The following DNAAF9 variants were observed in gnomAD, a reference collection of about 807,000 sequenced individuals.
DNAAF9 encodes shulin.
In DNAAF9, 90 loss-of-function variants were observed where a neutral mutation model predicts 167.0. The ratio of observed to expected loss-of-function variants is 0.54; its 90% CI spans 0.45 to 0.64. The LOEUF is 0.64. DNAAF9 is among the 30% of genes least tolerant of loss of function. The pLI is 0.00. For missense variants in DNAAF9, 1,315 were observed against 1,442.2 expected (o/e 0.91, Z 1.43); for synonymous variants, 491 against 508.8 (o/e 0.96, Z 0.47).
At chr20:3,326,837 C>T (rs1320023738) in intron 12 of DNAAF9, among the ~76,000 whole-genome samples, 1 of 151,792 alleles carries the variant, frequency 6.6e-6, no homozygotes, top group Non-Finnish European at 1.5e-5. Context: ...CCTCTGAATT[C>T]TGCTCAAGAG....
At chr20:3,260,566 C>T (rs954187522) in intron 31 of DNAAF9, among the ~76,000 whole-genome samples, 2 of 151,552 alleles carry the variant, frequency 1.3e-5, no homozygotes, top group African/African-American at 4.9e-5. Flanking sequence ...CCTCCCAGTC[C>T]CCATCTGAGT....
chr20:3,258,844 C>T (rs139114791), intron 33 of DNAAF9, among the ~76,000 whole-genome samples: 136 of 152,326 alleles, frequency 8.9e-4, no homozygotes, highest in Non-Finnish European at 1.5e-3. Flanking sequence ...TCCCTACTCC[C>T]AGGCTCCAGT....
At chr20:3,376,911 A>G (rs1568637452) in intron 3 of DNAAF9, among the ~76,000 whole-genome samples, 1 of 152,064 alleles carries the variant, frequency 6.6e-6, no homozygotes, top group Admixed American at 6.6e-5. Flanking sequence ...AAAAACAAAA[A>G]CACAAAAATT....
At chr20:3,299,810 ATG>A (rs1263261213) in intron 21 of DNAAF9, among the ~76,000 whole-genome samples, 11 of 152,234 alleles carry the variant, frequency 7.2e-5, no homozygotes, top group Non-Finnish European at 1.6e-4. Context: ...AAGAAAATGC[ATG>A]TGTTACAACT....
intron 1 of DNAAF9, among the ~76,000 whole-genome samples, chr20:3,391,744 C>T (rs1485142607): frequency 6.6e-6 from 1 of 152,064 alleles, no homozygotes; most frequent in Admixed American, 6.6e-5. Flanking sequence ...CCACGCCTGG[C>T]TAATTTTGTA....
chr20:3,285,985 A>G (rs978907383), intron 27 of DNAAF9, among the ~76,000 whole-genome samples: 21 of 152,148 alleles, frequency 1.4e-4, no homozygotes, highest in African/African-American at 4.8e-4. Flanking sequence ...GTTTCAAAAA[A>G]AAAAAAGAAA....
chr20:3,347,571 C>A (rs1327476474), intron 8 of DNAAF9, among the ~76,000 whole-genome samples: 3 of 152,144 alleles, frequency 2.0e-5, no homozygotes, highest in Non-Finnish European at 4.4e-5. Context: ...TTATTTAAAT[C>A]TTTAAGAAAG....
chr20:3,267,796 C>T (rs997207242), intron 30 of DNAAF9, among the ~76,000 whole-genome samples: 17 of 151,940 alleles, frequency 1.1e-4, no homozygotes, highest in East Asian at 1.9e-4. Flanking sequence ...GATCGTGTCA[C>T]GGCACTCCAG....
intron 6 of DNAAF9, among the ~76,000 whole-genome samples, chr20:3,368,216 C>A (rs1307781718): frequency 6.6e-6 from 1 of 152,166 alleles, no homozygotes; most frequent in African/African-American, 2.4e-5. Context: ...CTCCCAGCTG[C>A]ATCTCCTAAC....
At chr20:3,288,661 C>T (rs1276134623) in intron 26 of DNAAF9, among the ~76,000 whole-genome samples, 1 of 151,540 alleles carries the variant, frequency 6.6e-6, no homozygotes, top group African/African-American at 2.4e-5. Flanking sequence ...AATTTCTTTA[C>T]GGCCTCCTGC....
intron 7 of DNAAF9, among the ~76,000 whole-genome samples, chr20:3,350,772 T>G (rs1238429296): frequency 6.6e-6 from 1 of 152,190 alleles, no homozygotes; most frequent in Non-Finnish European, 1.5e-5. Flanking sequence ...GTGAAACAAC[T>G]TGAAGGGAGT....
At chr20:3,394,806 C>A (rs990268325) in intron 1 of DNAAF9, among the ~76,000 whole-genome samples, 1 of 151,914 alleles carries the variant, frequency 6.6e-6, no homozygotes, top group African/African-American at 2.4e-5. Context: ...GAATACTGCG[C>A]TTAAAAAAAT....
At chr20:3,321,298 G>T (rs549373991) in intron 16 of DNAAF9, among the ~76,000 whole-genome samples, 1 of 152,276 alleles carries the variant, frequency 6.6e-6, no homozygotes, top group South Asian at 2.1e-4. Context: ...CTTAAACCTA[G>T]ATGGTGTAGC....
chr20:3,406,874 ACG>A (rs2084065906), intron 1 of DNAAF9, among the ~76,000 whole-genome samples: 1 of 151,380 alleles, frequency 6.6e-6, no homozygotes, highest in South Asian at 2.1e-4. Flanking sequence ...AGCTGGGGAA[ACG>A]CGCGACAGGG....
intron 3 of DNAAF9, 37 bp from the exon 4 acceptor site, chr20:3,376,339 A>C: frequency 6.5e-7 from 1 of 1,535,282 alleles, no homozygotes; most frequent in Non-Finnish European, 8.9e-7. Context: ...AAGACTGTCA[A>C]ACACATTTCT....
At position 3,328,863 on chromosome 20, in the gene DNAAF9, A is replaced by C. The variant is rs113992637; in HGVS notation, c.1100+1783T>G. Among the ~76,000 whole-genome samples the C allele has an allele frequency of 1.6e-3, 230 of 142,946 alleles. 2 individuals are homozygous for C. The highest frequency in any genetic ancestry group is 5.8e-3 in the African/African-American group (220 of 37,892). 93.8% of individuals were successfully genotyped at this position (142,946 alleles called of 152,430 possible). ...ACACACACGTATACACACACACACA[A>C]TTTTCCTTTTTTTTTTTTTTTTTTG... On this transcript the variant is annotated intron_variant, in intron 12 of 36. Coordinates refer to ENST00000252032, the MANE Select transcript of DNAAF9 (RefSeq NM_001009984.3).
chr20:3,299,720 T>C (rs1335344775), intron 21 of DNAAF9, among the ~76,000 whole-genome samples: 1 of 152,266 alleles, frequency 6.6e-6, no homozygotes, highest in African/African-American at 2.4e-5. Context: ...TCCATGGGTC[T>C]AGTCCACTGG....
chr20:3,324,404 C>T (rs2069673449), intron 14 of DNAAF9, among the ~76,000 whole-genome samples: 1 of 152,030 alleles, frequency 6.6e-6, no homozygotes, highest in Non-Finnish European at 1.5e-5. Context: ...ATAACAACCA[C>T]CGTGACATGC....
intron 25 of DNAAF9, among the ~76,000 whole-genome samples, chr20:3,292,440 T>C (rs1241293138): frequency 1.3e-5 from 2 of 152,194 alleles, no homozygotes; most frequent in Non-Finnish European, 2.9e-5. Flanking sequence ...TAGACTTGCA[T>C]GGAAATAAAT....
Sources: allele counts gnomAD v4.1 joint callset (sites outside exome capture counted in the v4.1 genomes callset), GRCh38; gene constraint gnomAD v4.1.1; transcripts MANE v1.5; gene names NCBI Gene and HGNC (gene_info 2026-07-23, HGNC 2026-07-21).